ACBD5: variants seen among roughly 807,000 people sequenced by gnomAD.
ACBD5 encodes acyl-CoA-binding domain-containing protein 5.
Under a neutral mutation model 71.8 loss-of-function variants are expected in ACBD5, and 40 were observed. The ratio of observed to expected loss-of-function variants is 0.56; its 90% CI spans 0.43 to 0.72. The LOEUF is 0.72. ACBD5 is among the 30% of genes least tolerant of loss of function. The pLI is 0.00. For missense variants in ACBD5, 559 were observed against 644.5 expected, an observed-to-expected ratio of 0.87 and a Z score of 1.44; for synonymous variants, 229 against 218.6, an observed-to-expected ratio of 1.05 and a Z score of -0.42.
chr10:27,240,885 C>T, upstream of ACBD5: 1 of 756,488 alleles, frequency 1.3e-6, no homozygotes, highest in Non-Finnish European at 2.1e-6. This position sits in a 1 kb window ranked among gnomAD's most constrained non-coding sequence, Gnocchi z 4.1. Flanking sequence ...GTGCAGCAAA[C>T]CCCACCCACC....
Position 27,197,430 on chromosome 10 carries a change from T to C in ACBD5, c.1578A>G (p.Ter526TrpextTer18). ...YYQRRRRKLN[*>W] ...CTTCTTGAGGAAAACACCATTTTCC[T>C]CAGTTCAGTTTTCTTTAAAAAGAAA... The change falls in exon 13 of 13, where the codon TGA becomes TGG. Residue 526 changes from the stop codon to tryptophan, a stop_lost. Coordinates refer to ENST00000396271, the MANE Select transcript of ACBD5 (RefSeq NM_145698.5). 1.2e-6 allele frequency: 2 copies of C among 1,609,626 alleles called. No homozygotes were observed. The highest frequency in any genetic ancestry group is 1.7e-6 in the Non-Finnish European group (2 of 1,177,104).
intron 12 of ACBD5, among the ~76,000 whole-genome samples, chr10:27,198,030 T>A (rs2096226772): frequency 6.6e-6 from 1 of 152,224 alleles, no homozygotes; most frequent in Non-Finnish European, 1.5e-5. Context: ...CAATTAAGAT[T>A]TGTGGAAATG....
At chr10:27,208,555 T>C in intron 9 of ACBD5, 110 bp from the exon 10 acceptor site, 2 of 1,335,976 alleles carry the variant, frequency 1.5e-6, no homozygotes, top group Non-Finnish European at 2.1e-6. Context: ...CTCCAAAGTG[T>C]GGCCAGGAGC....
chr10:27,202,969 C>CTTTTTTTTTTTTTTT (rs775633178), intron 12 of ACBD5, among the ~76,000 whole-genome samples: 1 of 70,766 alleles, frequency 1.4e-5, no homozygotes, highest in African/African-American at 6.0e-5. Flanking sequence ...TCTATATCCT[C>CTTTTTTTTTTTTTTT]TTTTTTTTTT....
At chr10:27,241,491 G>A (rs886511459), upstream of ACBD5, among the ~76,000 whole-genome samples, 1 of 152,124 alleles carries the variant, frequency 6.6e-6, no homozygotes, top group African/African-American at 2.4e-5. Flanking sequence ...ACTGGGCTGG[G>A]ACGGAGGGCA....
At chr10:27,198,008 T>C (rs1388654317) in intron 12 of ACBD5, among the ~76,000 whole-genome samples, 1 of 152,230 alleles carries the variant, frequency 6.6e-6, no homozygotes, top group East Asian at 1.9e-4. Context: ...CCTTTTCTAA[T>C]TGGCTATTAC....
chr10:27,237,442 A>C (rs778664860), intron 2 of ACBD5, among the ~76,000 whole-genome samples: 1 of 152,122 alleles, frequency 6.6e-6, no homozygotes, highest in Non-Finnish European at 1.5e-5. Flanking sequence ...GGAACAAAAA[A>C]CTCCAAGATC....
At chr10:27,185,876 G>C (rs976988357) in intron 13 of ACBD5, among the ~76,000 whole-genome samples, 4 of 151,752 alleles carry the variant, frequency 2.6e-5, no homozygotes, top group Non-Finnish European at 5.9e-5. Context: ...GATCACCTGA[G>C]GTCAGGAGTT....
At chr10:27,183,926 G>A (rs575725398) in intron 13 of ACBD5, among the ~76,000 whole-genome samples, 5 of 152,246 alleles carry the variant, frequency 3.3e-5, no homozygotes, top group African/African-American at 1.2e-4. Flanking sequence ...TGCCCAGGCT[G>A]GTCTCGAACT....
In ACBD5 at chr10:27,215,330, A is replaced by AT. The variant is rs141040702; in HGVS notation, c.936+204dup. Among the ~76,000 whole-genome samples, 10,600 of 152,130 alleles carry AT rather than the reference A, an allele frequency of 0.07. 692 individuals carry two copies. Among genetic ancestry groups the AT allele is most frequent in the African/African-American group, 0.17 (7,093 of 41,472 alleles). Reference sequence around the variant, plus strand: ...ATTATTAGTTATAATGGAGTAGTTAATATTATTAATTTTTCTTTGACTTTT... The same window carrying AT: ...ATTATTAGTTATAATGGAGTAGTTAATTATTATTAATTTTTCTTTGACTTTT... On this transcript the variant is annotated intron_variant, in intron 8 of 12. Coordinates refer to ENST00000396271, the MANE Select transcript of ACBD5 (RefSeq NM_145698.5).
chr10:27,185,618 CAAA>C (rs34847161), intron 13 of ACBD5, among the ~76,000 whole-genome samples: 2 of 98,548 alleles, frequency 2.0e-5, no homozygotes, highest in African/African-American at 4.0e-5. Context: ...AGGTGACAGA[CAAA>C]AAAAAAAAAA....
Position 27,223,435 on chromosome 10 carries a change from T to G in ACBD5, c.393A>C (p.Pro131=). 1 of 1,612,966 alleles carries G rather than the reference T, an allele frequency of 6.2e-7. No individual in the cohort carries two copies. The highest frequency in any genetic ancestry group is 8.5e-7 in the Non-Finnish European group (1 of 1,179,610). The part of the protein sequence containing the change: ...EEMKKIIETM[P]MTEKVEELLR... The stretch of plus-strand genomic sequence containing the variant: ...GCAATTCTTCAACTTTCTCAGTCAT[T>G]GGCATAGTTTCAATAATCTGTAATC... Residue 131 remains proline (P), a synonymous_variant, in exon 5 of 13, where the codon CCA becomes CCC. Transcript: ENST00000396271.
chr10:27,204,550 C>T lies in ACBD5; in HGVS notation c.1456-1G>A. On this transcript the variant is annotated splice_acceptor_variant, in intron 11 of 12. Transcript: ENST00000396271. LOFTEE classifies it high-confidence loss of function. ...TCTCGAAGGGCCACCAAGATGGTCT[C>T]TGAGAAAATACAATAAGCTTGTCAC... 6.2e-7 allele frequency: 1 copy of T among 1,611,076 alleles called. No individual in the cohort carries two copies. Among genetic ancestry groups the T allele is most frequent in the Non-Finnish European group, 8.5e-7 (1 of 1,177,408 alleles).
At chr10:27,228,539 T>C (rs1023146002) in intron 4 of ACBD5, among the ~76,000 whole-genome samples, 10 of 151,438 alleles carry the variant, frequency 6.6e-5, no homozygotes, top group African/African-American at 2.4e-4. Flanking sequence ...ATGGCGCCGT[T>C]ACACTCTAGC....
rs749155919 is a variant in ACBD5, at chr10:27,240,417, C to T, written c.83G>A (p.Arg28Gln). 8 of 1,613,996 alleles carry T rather than the reference C, an allele frequency of 5.0e-6. No individual in the cohort carries two copies. Among genetic ancestry groups the T allele is most frequent in the African/African-American group, 4.0e-5 (3 of 74,904 alleles). ...CATCTCCAGCTGCCAGTGTTGGCCC[C>T]GGTCCCAAGGTCTGTCGGCGGGAAT... ...CLIPADRPWD[R>Q]GQHWQLEMAD... Residue 28 changes from arginine to glutamine, a missense_variant, in exon 2 of 13, where the codon CGG becomes CAG. Transcript: ENST00000396271. This position sits in a 1 kb window ranked among gnomAD's most constrained non-coding sequence, Gnocchi z 4.1.
At chr10:27,221,371 T>C (rs898885078) in intron 5 of ACBD5, among the ~76,000 whole-genome samples, 1 of 152,208 alleles carries the variant, frequency 6.6e-6, no homozygotes, top group Non-Finnish European at 1.5e-5. Context: ...AGATTTTTAG[T>C]TCATATCAGA....
chr10:27,215,270 C>G (rs934024087), intron 8 of ACBD5, among the ~76,000 whole-genome samples: 3 of 152,104 alleles, frequency 2.0e-5, no homozygotes, highest in African/African-American at 7.2e-5. Context: ...GCATCCCCAT[C>G]CCACGTCTCC....
chr10:27,209,795 T>G (rs1254834774), intron 9 of ACBD5, among the ~76,000 whole-genome samples: 1 of 152,232 alleles, frequency 6.6e-6, no homozygotes, highest in African/African-American at 2.4e-5. Flanking sequence ...TAAAATCATA[T>G]TATGAACACT....
intron 5 of ACBD5, among the ~76,000 whole-genome samples, chr10:27,222,801 C>T (rs544775819): frequency 5.9e-5 from 9 of 152,118 alleles, no homozygotes; most frequent in Non-Finnish European, 1.2e-4. Flanking sequence ...GAACTCCTGA[C>T]CTCAAGGTGA....
Sources: allele counts gnomAD v4.1 joint callset (sites outside exome capture counted in the v4.1 genomes callset), GRCh38; gene constraint gnomAD v4.1.1; non-coding constraint Gnocchi (gnomAD v3.1); transcripts MANE v1.5; gene names NCBI Gene and HGNC (gene_info 2026-07-23, HGNC 2026-07-21).